ZC3H12B: variants seen among roughly 807,000 people sequenced by gnomAD.
ZC3H12B encodes probable ribonuclease ZC3H12B.
In ZC3H12B, 7 loss-of-function variants were observed where a neutral mutation model predicts 43.9. The ratio of observed to expected loss-of-function variants is 0.16; its 90% CI spans 0.09 to 0.30. ZC3H12B has a LOEUF of 0.30. ZC3H12B is among the 10% of genes least tolerant of loss of function. The probability of loss-of-function intolerance (pLI) is 1.00; values close to 1 mark genes in which losing one functional copy is unlikely to be tolerated. For synonymous variants in ZC3H12B, 222 were observed against 241.7 expected, an observed-to-expected ratio of 0.92 and a Z score of 0.76; for missense variants, 475 against 670.2, an observed-to-expected ratio of 0.71 and a Z score of 3.22.
At chrX:65,098,018 G>A in the ZC3H12B span, among the ~76,000 whole-genome samples, 3 of 111,436 alleles carry the variant, frequency 2.7e-5, no homozygotes, top group African/African-American at 9.8e-5. Flanking sequence ...TGGGTCATAT[G>A]TCTTGTTAAA....
intron 2 of ZC3H12B, among the ~76,000 whole-genome samples, chrX:65,392,499 C>T (rs2066635953): frequency 8.9e-6 from 1 of 111,788 alleles, no homozygotes; most frequent in Admixed American, 9.3e-5. Context: ...CGGGCTGCCC[C>T]ATCTGGGAGG....
chrX:65,170,553 T>C, the ZC3H12B span, among the ~76,000 whole-genome samples: 1 of 111,626 alleles, frequency 9.0e-6, no homozygotes, highest in Non-Finnish European at 1.9e-5. Flanking sequence ...TGGCATTCTC[T>C]GTATTTCCTG....
At chrX:65,450,794 T>C (rs369127495) in intron 3 of ZC3H12B, among the ~76,000 whole-genome samples, 1 of 77,033 alleles carries the variant, frequency 1.3e-5, no homozygotes, top group Non-Finnish European at 2.3e-5. Flanking sequence ...TATATGTATA[T>C]ATATACATAT....
At chrX:65,392,381 C>T (rs1280896830) in intron 2 of ZC3H12B, among the ~76,000 whole-genome samples, 2 of 112,241 alleles carry the variant, frequency 1.8e-5, no homozygotes, top group Non-Finnish European at 3.8e-5. Flanking sequence ...CCGGCCGCAA[C>T]CCCATCTGGG....
intron 2 of ZC3H12B, among the ~76,000 whole-genome samples, chrX:65,388,433 C>T (rs776131876): frequency 2.7e-5 from 3 of 112,218 alleles, no homozygotes; most frequent in Non-Finnish European, 5.6e-5. Context: ...TTGATCAAAT[C>T]GGCTACTGAG....
At chrX:65,466,445 C>T (rs917771260) in intron 3 of ZC3H12B, among the ~76,000 whole-genome samples, 20 of 109,895 alleles carry the variant, frequency 1.8e-4, no homozygotes, top group African/African-American at 6.6e-4. Context: ...AGACAGATCT[C>T]ACATTATCAT....
chrX:65,352,528 T>G, the ZC3H12B span, among the ~76,000 whole-genome samples: 23 of 111,208 alleles, frequency 2.1e-4, no homozygotes, highest in South Asian at 9.0e-3. Flanking sequence ...GGGTATAGGT[T>G]TCTTTTCGGG....
the ZC3H12B span, among the ~76,000 whole-genome samples, chrX:65,342,183 A>G: frequency 4.5e-5 from 5 of 111,969 alleles, no homozygotes; most frequent in Non-Finnish European, 9.4e-5. Flanking sequence ...GCATTACATG[A>G]TGGTAAAGGG....
the ZC3H12B span, among the ~76,000 whole-genome samples, chrX:65,162,770 CAA>C: frequency 0.083 from 9,268 of 112,240 alleles, 1,020 homozygotes; most frequent in African/African-American, 0.29. Context: ...CTCACCTCGT[CAA>C]AGTCATTCTC....
chrX:65,269,816 A>T, the ZC3H12B span, among the ~76,000 whole-genome samples: 155 of 111,115 alleles, frequency 1.4e-3, 2 homozygotes, highest in Admixed American at 5.1e-3. Flanking sequence ...TAATTTTTTT[A>T]AAAAAAAGGA....
At chrX:65,164,858 T>G in the ZC3H12B span, among the ~76,000 whole-genome samples, 3 of 112,123 alleles carry the variant, frequency 2.7e-5, no homozygotes, top group Non-Finnish European at 5.6e-5. Flanking sequence ...TAAAGAATGT[T>G]AGAGCACAGG....
exon 5 of ZC3H12B, chrX:65,506,975 A>AC (rs1204488241): frequency 1.8e-5 from 2 of 110,046 alleles, no homozygotes; most frequent in African/African-American, 6.6e-5. Context: ...CTCTCTGCCC[A>AC]CCCCCTGCTA....
chrX:65,467,672 T>A (rs2067843970), intron 3 of ZC3H12B, among the ~76,000 whole-genome samples: 1 of 112,326 alleles, frequency 8.9e-6, no homozygotes, highest in African/African-American at 3.2e-5. Flanking sequence ...ACCTTATTGT[T>A]ATTTTAATTT....
intron 3 of ZC3H12B, among the ~76,000 whole-genome samples, chrX:65,460,385 C>A (rs2067720663): frequency 8.9e-6 from 1 of 111,753 alleles, no homozygotes; most frequent in Non-Finnish European, 1.9e-5. Context: ...AACCAAAAAA[C>A]AGCCTGCATT....
chrX:65,176,320 T>C, the ZC3H12B span, among the ~76,000 whole-genome samples: 5 of 111,843 alleles, frequency 4.5e-5, no homozygotes, highest in Non-Finnish European at 9.4e-5. Flanking sequence ...AAAGCCTCTA[T>C]AGCCAGACTG....
the ZC3H12B span, among the ~76,000 whole-genome samples, chrX:65,038,038 T>C: frequency 9.0e-6 from 1 of 111,517 alleles, no homozygotes; most frequent in African/African-American, 3.2e-5. Flanking sequence ...ATTAGTCAGA[T>C]GACTAATTGT....
the ZC3H12B span, among the ~76,000 whole-genome samples, chrX:65,262,276 G>T: frequency 9.0e-6 from 1 of 110,815 alleles, no homozygotes; most frequent in Non-Finnish European, 1.9e-5. Context: ...GATCTTAATT[G>T]GTATTAAGTT....
chrX:65,337,760 A>C, the ZC3H12B span, among the ~76,000 whole-genome samples: 2 of 112,830 alleles, frequency 1.8e-5, no homozygotes, highest in African/African-American at 3.2e-5. Context: ...AAAATTAATC[A>C]GAAACCATTT....
the ZC3H12B span, among the ~76,000 whole-genome samples, chrX:65,255,071 G>A: frequency 9.0e-6 from 1 of 111,461 alleles, no homozygotes; most frequent in Non-Finnish European, 1.9e-5. Flanking sequence ...TATATAAATA[G>A]ACCAAATCTG....
Sources: gnomAD v4.1 joint callset for allele counts (sites outside exome capture counted in the v4.1 genomes callset) on GRCh38, gnomAD v4.1.1 for gene constraint, MANE v1.5 for transcripts, NCBI Gene and HGNC (gene_info 2026-07-23, HGNC 2026-07-21) for gene names.